PPP1R37: variants seen among roughly 807,000 people sequenced by gnomAD.
PPP1R37 encodes the protein protein phosphatase 1 regulatory subunit 37.
Under a neutral mutation model 61.0 loss-of-function variants are expected in PPP1R37, and 21 were observed. That is an observed-to-expected ratio of 0.34 (90% CI 0.24 to 0.50). PPP1R37 has a LOEUF of 0.50. Ranked by LOEUF, PPP1R37 falls within the 20% of genes least tolerant of loss-of-function variation. The probability of loss-of-function intolerance (pLI) is 0.98; values close to 1 mark genes in which losing one functional copy is unlikely to be tolerated. For missense variants in PPP1R37, 910 were observed against 952.7 expected (o/e 0.96, Z 0.59); for synonymous variants, 443 against 433.5 (o/e 1.02, Z -0.27).
At chr19:45,135,459 C>T (rs1968527314) in intron 1 of PPP1R37, among the ~76,000 whole-genome samples, 1 of 152,238 alleles carries the variant, frequency 6.6e-6, no homozygotes, top group Admixed American at 6.5e-5. Flanking sequence ...CGGACTTTCT[C>T]CACAAACGAT....
chr19:45,140,451 A>G, intron 3 of PPP1R37, 55 bp from the exon 4 acceptor site: 1 of 1,442,154 alleles, frequency 6.9e-7, no homozygotes. Flanking sequence ...GGGCCCTTCC[A>G]GCCATGCAAA....
intron 1 of PPP1R37, among the ~76,000 whole-genome samples, chr19:45,099,567 C>T (rs1015083391): frequency 1.3e-5 from 2 of 152,260 alleles, no homozygotes; most frequent in Admixed American, 1.3e-4. Context: ...GTCCTCTGCC[C>T]TCCCAGGCCC....
In PPP1R37 at chr19:45,121,566, C is replaced by T. The variant is rs886642075; in HGVS notation, c.203-16948C>T. On this transcript the variant is annotated intron_variant, in intron 1 of 12. Transcript: ENST00000221462. The surrounding 1 kb of genome is among the most constrained non-coding windows in gnomAD (Gnocchi z 4.2). The stretch of plus-strand genomic sequence containing the variant: ...GGAAGAGCCTTTTCTACCCAGGAAA[C>T]CTGACCAGTGCCACGCAGTGAATAT... Among the ~76,000 whole-genome samples, 2 of 152,230 alleles carry T rather than the reference C, an allele frequency of 1.3e-5. No homozygotes were observed. The highest frequency in any genetic ancestry group is 1.9e-4 in the East Asian group (1 of 5,198).
chr19:45,096,163 G>A (rs914866112), intron 1 of PPP1R37, among the ~76,000 whole-genome samples: 2 of 152,142 alleles, frequency 1.3e-5, no homozygotes, highest in South Asian at 4.1e-4. Context: ...TGGTGTGGAG[G>A]AGTTCATGCA....
In PPP1R37 at chr19:45,093,280, G is replaced by A. The variant is rs1354835136; in HGVS notation, c.-46G>A. On this transcript the variant is annotated 5_prime_UTR_variant, in exon 1 of 13. Coordinates refer to ENST00000221462, the MANE Select transcript of PPP1R37 (RefSeq NM_019121.2). ...GCGGACCCGGAGAGACAAATCCGGG[G>A]CCCGGGGCATGTCCCCGGGGCCCCC... The A allele has an allele frequency of 1.5e-6, 2 of 1,330,052 alleles. No individual in the cohort carries two copies. Among genetic ancestry groups the A allele is most frequent in the East Asian group, 6.1e-5 (2 of 32,878 alleles). 82.4% of individuals were successfully genotyped at this position (1,330,052 alleles called of 1,614,324 possible).
intron 1 of PPP1R37, among the ~76,000 whole-genome samples, chr19:45,113,417 G>A (rs1968226025): frequency 2.0e-5 from 3 of 152,192 alleles, no homozygotes; most frequent in Non-Finnish European, 2.9e-5. Flanking sequence ...CATATCCCAC[G>A]AGGTAGGTGG....
intron 1 of PPP1R37, among the ~76,000 whole-genome samples, chr19:45,113,048 A>G (rs958890926): frequency 2.0e-5 from 3 of 152,168 alleles, no homozygotes; most frequent in African/African-American, 7.2e-5. Flanking sequence ...CCTGCCCTCG[A>G]CAGCTTAGAG....
intron 1 of PPP1R37, among the ~76,000 whole-genome samples, chr19:45,095,629 G>A (rs752443450): frequency 6.6e-6 from 1 of 151,994 alleles, no homozygotes; most frequent in Non-Finnish European, 1.5e-5. Flanking sequence ...CAGGTGTGGT[G>A]GTGCACGCCT....
intron 1 of PPP1R37, among the ~76,000 whole-genome samples, chr19:45,126,929 G>T (rs1968412517): frequency 6.6e-6 from 1 of 152,224 alleles, no homozygotes; most frequent in African/African-American, 2.4e-5. Context: ...TGGTGATGTT[G>T]GTTTCTTTCA....
chr19:45,138,806 A>C (rs980005177), intron 2 of PPP1R37, among the ~76,000 whole-genome samples, 195 bp downstream of exon 2: 3 of 152,138 alleles, frequency 2.0e-5, no homozygotes, highest in Non-Finnish European at 4.4e-5. Flanking sequence ...CTATAAAGTA[A>C]GACATTCAGG....
At chr19:45,133,670 C>G (rs1968505178) in intron 1 of PPP1R37, among the ~76,000 whole-genome samples, 1 of 152,240 alleles carries the variant, frequency 6.6e-6, no homozygotes, top group Non-Finnish European at 1.5e-5. Context: ...CTATGCTCCC[C>G]TGGATCCTGG....
intron 7 of PPP1R37, 78 bp downstream of exon 7, chr19:45,142,536 G>T: frequency 7.0e-7 from 1 of 1,428,224 alleles, no homozygotes; most frequent in Admixed American, 2.1e-5. Flanking sequence ...GTGGTGCTGG[G>T]GACACAGACA....
intron 1 of PPP1R37, among the ~76,000 whole-genome samples, chr19:45,106,807 CTTTTTTTTTT>C (rs927426410): frequency 5.1e-5 from 4 of 78,148 alleles, no homozygotes; most frequent in African/African-American, 1.9e-4. Flanking sequence ...TGTTGAGCAT[CTTTTTTTTTT>C]TTTTTTTTTT....
intron 1 of PPP1R37, among the ~76,000 whole-genome samples, chr19:45,116,470 A>C (rs1055491681): frequency 1.3e-5 from 2 of 152,144 alleles, no homozygotes; most frequent in African/African-American, 4.8e-5. Flanking sequence ...CCCTGCCGGG[A>C]AGGGCAGAGA....
intron 1 of PPP1R37, among the ~76,000 whole-genome samples, chr19:45,100,816 G>A (rs952106347): frequency 2.0e-5 from 3 of 152,222 alleles, no homozygotes; most frequent in Admixed American, 6.5e-5. Context: ...GGGGGTCACT[G>A]TGGTTCGTGG....
intron 1 of PPP1R37, among the ~76,000 whole-genome samples, chr19:45,096,564 C>T (rs184150780): frequency 3.3e-4 from 50 of 152,232 alleles, no homozygotes; most frequent in African/African-American, 1.2e-3. Flanking sequence ...TTTGTTTTCA[C>T]GTGCAGTCTT....
intron 1 of PPP1R37, among the ~76,000 whole-genome samples, chr19:45,105,691 G>A (rs956309003): frequency 2.6e-5 from 4 of 152,038 alleles, no homozygotes; most frequent in African/African-American, 7.2e-5. Context: ...CTTGATTCCC[G>A]GCCCGGTTCT....
At chr19:45,128,581 T>A in intron 1 of PPP1R37, 1 of 1,265,130 alleles carries the variant, frequency 7.9e-7, no homozygotes, top group Non-Finnish European at 1.1e-6. Flanking sequence ...GCAGATGATT[T>A]GGACTTCGAG....
chr19:45,105,695 C>T lies in PPP1R37; in HGVS notation c.202+12168C>T, dbSNP rs992071908. On this transcript the variant is annotated intron_variant, in intron 1 of 12. Coordinates refer to ENST00000221462, the MANE Select transcript of PPP1R37 (RefSeq NM_019121.2). Reference sequence around the variant, plus strand: ...GGCTTGGGATCCTTGATTCCCGGCCCGGTTCTGCCTACTATGATCACAATG... The same window carrying T: ...GGCTTGGGATCCTTGATTCCCGGCCTGGTTCTGCCTACTATGATCACAATG... 9.9e-5 allele frequency among the ~76,000 whole-genome samples: 15 copies of T among 152,144 alleles called. 1 individual carries two copies. The highest frequency in any genetic ancestry group is 8.3e-4 in the South Asian group (4 of 4,828).
Sources: allele counts gnomAD v4.1 joint callset (sites outside exome capture counted in the v4.1 genomes callset), GRCh38; gene constraint gnomAD v4.1.1; non-coding constraint Gnocchi (gnomAD v3.1); transcripts MANE v1.5; gene names NCBI Gene and HGNC (gene_info 2026-07-23, HGNC 2026-07-21).